The following CCDC181 variants were observed in gnomAD, a reference collection of about 807,000 sequenced individuals.
CCDC181 encodes coiled-coil domain-containing protein 181.
CCDC181 carries 35 observed loss-of-function variants against 58.7 expected under a neutral mutation model. That is an observed-to-expected ratio of 0.60 (90% CI 0.46 to 0.79). The LOEUF is 0.79. Ranked by LOEUF, CCDC181 falls within the 30% of genes least tolerant of loss-of-function variation. The pLI, the probability that CCDC181 is intolerant of heterozygous loss-of-function variation, is 0.00. For missense variants in CCDC181, 517 were observed against 583.9 expected, an observed-to-expected ratio of 0.89 and a Z score of 1.18; for synonymous variants, 183 against 197.5, an observed-to-expected ratio of 0.93 and a Z score of 0.62.
chr1:169,397,474 A>G (rs1655113945), intron 4 of CCDC181, 83 bp from the exon 5 acceptor site: 1 of 1,246,810 alleles, frequency 8.0e-7, no homozygotes, highest in Admixed American at 2.9e-5. Flanking sequence ...CTACAAGAAT[A>G]TATTTCCTAC....
intron 5 of CCDC181, among the ~76,000 whole-genome samples, chr1:169,395,440 C>T (rs1440056368): frequency 1.3e-5 from 2 of 152,170 alleles, no homozygotes; most frequent in Non-Finnish European, 2.9e-5. Flanking sequence ...TACAATGAAA[C>T]TGCCAACTTA....
chr1:169,448,000 A>G (rs1198731712), intron 2 of CCDC181, among the ~76,000 whole-genome samples: 2 of 152,066 alleles, frequency 1.3e-5, no homozygotes, highest in African/African-American at 4.8e-5. Context: ...TTTTGAAAAA[A>G]GTTAGTTGCT....
intron 4 of CCDC181, among the ~76,000 whole-genome samples, chr1:169,416,092 G>T (rs1184237576): frequency 6.6e-6 from 1 of 152,192 alleles, no homozygotes; most frequent in African/African-American, 2.4e-5. Context: ...CGTGTTCTAG[G>T]GTTGGGACGC....
At chr1:169,397,026 A>G (rs778477776) in intron 5 of CCDC181, among the ~76,000 whole-genome samples, 8 of 151,212 alleles carry the variant, frequency 5.3e-5, no homozygotes, top group Non-Finnish European at 1.2e-4. Flanking sequence ...AAAAATTGGT[A>G]TGCATATATA....
At chr1:169,435,722 T>C (rs758155130) in intron 2 of CCDC181, among the ~76,000 whole-genome samples, 71 of 152,302 alleles carry the variant, frequency 4.7e-4, no homozygotes, top group African/African-American at 1.6e-3. Context: ...TTCTAGAGTA[T>C]CTTTATTGAT....
chr1:169,395,396 A>G (rs942488436), intron 5 of CCDC181, among the ~76,000 whole-genome samples, 190 bp from the exon 6 acceptor site: 1 of 152,246 alleles, frequency 6.6e-6, no homozygotes, highest in Non-Finnish European at 1.5e-5. Context: ...AAGGACCGTT[A>G]GATTTGGGGT....
chr1:169,429,629 T>C (rs1226849109), upstream of CCDC181, among the ~76,000 whole-genome samples: 2 of 152,232 alleles, frequency 1.3e-5, no homozygotes, highest in Non-Finnish European at 2.9e-5. Flanking sequence ...TTCATGTCCT[T>C]AGCCCACTTT....
At chr1:169,439,804 G>C (rs1657160652) in intron 2 of CCDC181, among the ~76,000 whole-genome samples, 1 of 152,140 alleles carries the variant, frequency 6.6e-6, no homozygotes, top group Admixed American at 6.5e-5. Flanking sequence ...CAGAGGGATA[G>C]GTGGGAAGCT....
chr1:169,458,221 C>T (rs1440013683), intron 2 of CCDC181, among the ~76,000 whole-genome samples: 1 of 146,732 alleles, frequency 6.8e-6, no homozygotes, highest in Non-Finnish European at 1.5e-5. Flanking sequence ...AAAGTATGGC[C>T]AAAATCGCAA....
chr1:169,426,907 A>G (rs1361778590), intron 1 of CCDC181, among the ~76,000 whole-genome samples: 1 of 152,222 alleles, frequency 6.6e-6, no homozygotes, highest in African/African-American at 2.4e-5. Context: ...TCAGGATCCC[A>G]AGGTACCACC....
At chr1:169,451,138 G>C (rs1657524733) in intron 2 of CCDC181, 1 of 152,036 alleles carries the variant, frequency 6.6e-6, no homozygotes, top group Non-Finnish European at 1.5e-5. Flanking sequence ...CTTACCATCT[G>C]CTTGGAGTTT....
intron 2 of CCDC181, among the ~76,000 whole-genome samples, chr1:169,453,036 C>T (rs946385224): frequency 6.7e-6 from 1 of 149,004 alleles, no homozygotes; most frequent in Non-Finnish European, 1.5e-5. Flanking sequence ...TGAAGAAATA[C>T]ATAATCAATG....
At chr1:169,401,869 G>A (rs1655371294) in intron 4 of CCDC181, among the ~76,000 whole-genome samples, 4 of 152,144 alleles carry the variant, frequency 2.6e-5, no homozygotes. Context: ...GCTAAAGAAG[G>A]ATGTTTGAAC....
upstream of CCDC181, among the ~76,000 whole-genome samples, chr1:169,429,566 A>AT (rs1388906485): frequency 2.0e-4 from 30 of 152,170 alleles, no homozygotes; most frequent in African/African-American, 7.2e-4. Context: ...GATGTTGAGC[A>AT]TTTTTTCATC....
At chr1:169,425,393 AT>A (rs1408218272) in intron 1 of CCDC181, among the ~76,000 whole-genome samples, 1 of 152,112 alleles carries the variant, frequency 6.6e-6, no homozygotes, top group African/African-American at 2.4e-5. Context: ...CAACTGGATA[AT>A]TATTGTTTTT....
intron 1 of CCDC181, among the ~76,000 whole-genome samples, chr1:169,460,049 C>T (rs148449693): frequency 1.5e-4 from 23 of 152,008 alleles, no homozygotes; most frequent in Admixed American, 3.3e-4. Context: ...TTTGGGACAG[C>T]ACTTGGGCCT....
chr1:169,444,974 C>T (rs61808030), intron 2 of CCDC181, among the ~76,000 whole-genome samples: 1 of 152,150 alleles, frequency 6.6e-6, no homozygotes, highest in Non-Finnish European at 1.5e-5. Context: ...ATACAAACTC[C>T]TTACCTTACT....
At chr1:169,395,275 C>T in intron 5 of CCDC181, 69 bp from the exon 6 acceptor site, 2 of 1,292,462 alleles carry the variant, frequency 1.5e-6, no homozygotes, top group Non-Finnish European at 2.1e-6. Flanking sequence ...TATAAAGTTA[C>T]TATTATAGAC....
intron 2 of CCDC181, chr1:169,443,102 T>C (rs747009554): frequency 7.3e-5 from 11 of 151,706 alleles, no homozygotes; most frequent in Non-Finnish European, 1.6e-4. Flanking sequence ...TTCTTTTTGT[T>C]ATTCGCTCTC....
Sources: gnomAD v4.1 joint callset for allele counts (sites outside exome capture counted in the v4.1 genomes callset) on GRCh38, gnomAD v4.1.1 for gene constraint, MANE v1.5 for transcripts, NCBI Gene and HGNC (gene_info 2026-07-23, HGNC 2026-07-21) for gene names.